The following EBF1 variants were observed in gnomAD, a reference collection of about 807,000 sequenced individuals.
EBF1 encodes the protein EBF transcription factor 1, also known as transcription factor COE1.
A neutral mutation model predicts 68.4 loss-of-function variants in EBF1; 10 were observed. That is an observed-to-expected ratio of 0.15 (90% CI 0.09 to 0.25). The LOEUF is 0.25. Among genes scored for constraint, EBF1 ranks in the 10% least tolerant of loss-of-function variants. The pLI is 1.00. For missense variants in EBF1, 509 were observed against 794.4 expected (o/e 0.64, Z 4.32); for synonymous variants, 298 against 299.8 (o/e 0.99, Z 0.06).
At chr5:158,802,295 G>A (rs1038621696) in intron 8 of EBF1, among the ~76,000 whole-genome samples, 3 of 152,240 alleles carry the variant, frequency 2.0e-5, no homozygotes, top group Admixed American at 6.5e-5. Context: ...CCTAATTAGA[G>A]ATATATTGTT....
chr5:158,934,545 C>T (rs1311817505), intron 6 of EBF1, among the ~76,000 whole-genome samples: 3 of 152,216 alleles, frequency 2.0e-5, no homozygotes, highest in East Asian at 3.8e-4. Context: ...GTTCAAATAA[C>T]TCACTCAAAA....
At chr5:158,836,034 A>T (rs1219066337) in intron 7 of EBF1, among the ~76,000 whole-genome samples, 4 of 152,216 alleles carry the variant, frequency 2.6e-5, no homozygotes, top group East Asian at 1.9e-4. Flanking sequence ...CTGAATATAG[A>T]CACAGTTATC....
At chr5:158,862,363 C>CAA (rs1795104609) in intron 6 of EBF1, among the ~76,000 whole-genome samples, 1 of 152,016 alleles carries the variant, frequency 6.6e-6, no homozygotes, top group African/African-American at 2.4e-5. Context: ...AAAACAAGAA[C>CAA]ACACAAACAA....
intron 6 of EBF1, among the ~76,000 whole-genome samples, chr5:158,926,216 A>G (rs1290370812): frequency 6.6e-6 from 1 of 152,220 alleles, no homozygotes; most frequent in Non-Finnish European, 1.5e-5. Context: ...TTCAACAAGT[A>G]TACCAAGCAC....
At chr5:158,934,071 C>A (rs1811455402) in intron 6 of EBF1, among the ~76,000 whole-genome samples, 1 of 152,112 alleles carries the variant, frequency 6.6e-6, no homozygotes. Context: ...GAGCCACAGG[C>A]AGATTTCACC....
intron 4 of EBF1, 47 bp from the exon 5 acceptor site, chr5:159,084,786 G>T (rs75567827): frequency 4.8e-5 from 52 of 1,078,974 alleles, no homozygotes; most frequent in Non-Finnish European, 5.4e-5. Flanking sequence ...AGGAGTAGCA[G>T]AAAAAAAAAA....
chr5:159,078,371 C>T (rs1584465909), intron 5 of EBF1, among the ~76,000 whole-genome samples: 1 of 152,174 alleles, frequency 6.6e-6, no homozygotes, highest in South Asian at 2.1e-4. Flanking sequence ...CAGAAGAGGG[C>T]TCATACTGAA....
At chr5:158,857,172 C>A (rs1261292814) in intron 6 of EBF1, among the ~76,000 whole-genome samples, 2 of 151,700 alleles carry the variant, frequency 1.3e-5, no homozygotes, top group African/African-American at 2.4e-5. Context: ...TCCCTCAGCA[C>A]CCCTTCTGCT....
intron 6 of EBF1, among the ~76,000 whole-genome samples, chr5:159,038,849 G>T (rs1770621887): frequency 6.6e-6 from 1 of 152,136 alleles, no homozygotes; most frequent in African/African-American, 2.4e-5. Context: ...AAGAGATCCT[G>T]GTTCAGATGC....
chr5:159,001,346 T>C (rs1467582921), intron 6 of EBF1, among the ~76,000 whole-genome samples: 1 of 152,182 alleles, frequency 6.6e-6, no homozygotes, highest in Non-Finnish European at 1.5e-5. Flanking sequence ...TTTCTTTAAA[T>C]CTTCAACAAT....
At chr5:158,969,916 GA>G (rs61157554) in intron 6 of EBF1, among the ~76,000 whole-genome samples, 1,146 of 80,066 alleles carry the variant, frequency 0.014, 101 homozygotes, top group African/African-American at 0.032. Flanking sequence ...AAGAAAGAAA[GA>G]AAAAAAAAAA....
At chr5:158,897,720 A>T (rs1802450356) in intron 6 of EBF1, among the ~76,000 whole-genome samples, 1 of 152,218 alleles carries the variant, frequency 6.6e-6, no homozygotes, top group Non-Finnish European at 1.5e-5. Flanking sequence ...TCCAATGGCA[A>T]AAAGAGCCAC....
At chr5:158,834,226 T>C (rs1185463609) in intron 7 of EBF1, among the ~76,000 whole-genome samples, 1 of 152,220 alleles carries the variant, frequency 6.6e-6, no homozygotes, top group Non-Finnish European at 1.5e-5. Flanking sequence ...ATTGTCTGGC[T>C]CCTGTCGGTT....
chr5:159,012,475 GGA>G (rs1764865730), intron 6 of EBF1, among the ~76,000 whole-genome samples: 2 of 151,796 alleles, frequency 1.3e-5, no homozygotes, highest in South Asian at 4.2e-4. Flanking sequence ...GACTGTATTT[GGA>G]GAGTCTTTTT....
chr5:158,829,658 A>G (rs562130143), intron 7 of EBF1, among the ~76,000 whole-genome samples: 44 of 152,106 alleles, frequency 2.9e-4, no homozygotes, highest in Non-Finnish European at 5.6e-4. Flanking sequence ...TAAACTCTCT[A>G]TATTTTTTAA....
chr5:158,978,837 G>C (rs1006292197), intron 6 of EBF1, among the ~76,000 whole-genome samples: 109 of 139,878 alleles, frequency 7.8e-4, no homozygotes, highest in East Asian at 4.3e-3. Context: ...CACACACACA[G>C]AGAGAGAGTC....
At chr5:159,054,757 G>A (rs190009567) in intron 6 of EBF1, among the ~76,000 whole-genome samples, 4 of 149,220 alleles carry the variant, frequency 2.7e-5, no homozygotes, top group Admixed American at 2.7e-4. Context: ...TCAACATTAG[G>A]CTGCTTCATC....
intron 6 of EBF1, among the ~76,000 whole-genome samples, chr5:158,864,154 G>A (rs956033845): frequency 3.8e-4 from 57 of 150,034 alleles, no homozygotes; most frequent in African/African-American, 1.3e-3. Flanking sequence ...AACCCGGGAG[G>A]TGGAGGTTGC....
chr5:158,800,918 A>G (rs1217586215), intron 8 of EBF1, among the ~76,000 whole-genome samples: 1 of 152,194 alleles, frequency 6.6e-6, no homozygotes, highest in African/African-American at 2.4e-5. Context: ...CACTTTTACC[A>G]GCAAATTTTT....
Sources: allele counts gnomAD v4.1 joint callset (sites outside exome capture counted in the v4.1 genomes callset), GRCh38; gene constraint gnomAD v4.1.1; transcripts MANE v1.5; gene names NCBI Gene and HGNC (gene_info 2026-07-23, HGNC 2026-07-21).